The following FGL1 variants were observed in gnomAD, a reference collection of about 807,000 sequenced individuals.
The protein encoded by FGL1 is fibrinogen-like protein 1.
Under a neutral mutation model 43.7 loss-of-function variants are expected in FGL1, and 59 were observed. The ratio of observed to expected loss-of-function variants is 1.35; its 90% CI spans 1.10 to 1.68. The LOEUF is 1.68. FGL1 is among the 40% of genes most tolerant of loss of function. FGL1 has a pLI of 0.00. For synonymous variants in FGL1, 192 were observed against 126.5 expected, an observed-to-expected ratio of 1.52 and a Z score of -3.48; for missense variants, 596 against 373.0, an observed-to-expected ratio of 1.60 and a Z score of -4.92.
chr8:17,868,764 G>C, intron 6 of FGL1, 29 bp from the exon 7 acceptor site: 1 of 1,587,798 alleles, frequency 6.3e-7, no homozygotes, highest in East Asian at 2.2e-5. Flanking sequence ...TCTGCTGTCA[G>C]TGGAGTTCCT....
chr8:17,886,965 A>G (rs2053637481), intron 1 of FGL1, among the ~76,000 whole-genome samples: 1 of 152,146 alleles, frequency 6.6e-6, no homozygotes, highest in Admixed American at 6.6e-5. Flanking sequence ...TCAGATCCTC[A>G]TCTAAATCCT....
intron 2 of FGL1, among the ~76,000 whole-genome samples, chr8:17,885,216 A>T (rs1334051714): frequency 2.0e-5 from 3 of 151,216 alleles, no homozygotes; most frequent in Non-Finnish European, 4.4e-5. Context: ...AATTTTTTGT[A>T]TTTTTTTTAG....
At chr8:17,869,788 A>G (rs899050249) in intron 5 of FGL1, among the ~76,000 whole-genome samples, 2 of 152,178 alleles carry the variant, frequency 1.3e-5, no homozygotes, top group African/African-American at 4.8e-5. Context: ...ATTTCTGAAG[A>G]ACTGATATCT....
At chr8:17,875,519 CTTTCTTTCTTTCTT>C (rs2053434695) in intron 3 of FGL1, among the ~76,000 whole-genome samples, 1 of 10,002 alleles carries the variant, frequency 1.0e-4, no homozygotes, top group African/African-American at 3.3e-4. Context: ...TTCTTTCTTT[CTTTCTTTCTTTCTT>C]TCTCTTTCTT....
rs2053240607 is a variant in FGL1 at position 17,864,592 on chromosome 8, T to TTTATTC, written c.938_939insGAATAA (p.Ter313delinsTer). 1.2e-6 allele frequency: 2 copies of TTTATTC among 1,602,550 alleles called. No individual in the cohort carries two copies. Among genetic ancestry groups the TTTATTC allele is most frequent in the Non-Finnish European group, 1.7e-6 (2 of 1,177,170 alleles). ...AGAAACGAAAGCCCAACAGCAGCAA[T>TTTATTC]TAAATTACATTTGGAATAAAATCAT... On this transcript the variant is annotated inframe_insertion and stop_retained_variant, in exon 8 of 8. Coordinates refer to ENST00000427924, the MANE Select transcript of FGL1 (RefSeq NM_004467.4).
At chr8:17,878,675 G>C (rs905286658) in intron 3 of FGL1, among the ~76,000 whole-genome samples, 1 of 152,146 alleles carries the variant, frequency 6.6e-6, no homozygotes, top group Admixed American at 6.5e-5. Context: ...CTAGTGCATT[G>C]TTTGCACAAA....
At chr8:17,874,226 A>G (rs1185162971) in intron 4 of FGL1, 110 bp from the exon 5 acceptor site, 3 of 1,364,388 alleles carry the variant, frequency 2.2e-6, no homozygotes, top group African/African-American at 2.9e-5. Context: ...TGATTAGTTA[A>G]TTCATTTTCA....
intron 7 of FGL1, among the ~76,000 whole-genome samples, chr8:17,867,999 A>T (rs1377800143): frequency 6.6e-6 from 1 of 152,170 alleles, no homozygotes; most frequent in Non-Finnish European, 1.5e-5. Context: ...TCAAAAACGG[A>T]ATGAATTTGC....
chr8:17,883,677 AAT>A (rs529599229), intron 2 of FGL1, among the ~76,000 whole-genome samples: 12 of 145,752 alleles, frequency 8.2e-5, no homozygotes, highest in African/African-American at 2.5e-4. Context: ...TATAGTCTAT[AAT>A]ATATATATAT....
At chr8:17,864,911 T>A (rs1029713166) in intron 7 of FGL1, among the ~76,000 whole-genome samples, 160 bp from the exon 8 acceptor site, 2 of 152,202 alleles carry the variant, frequency 1.3e-5, no homozygotes, top group Non-Finnish European at 2.9e-5. Context: ...GCTGAGAAAT[T>A]TCTACAACAG....
chr8:17,871,507 A>AC (rs1241527420), intron 5 of FGL1, among the ~76,000 whole-genome samples: 1 of 151,970 alleles, frequency 6.6e-6, no homozygotes, highest in Non-Finnish European at 1.5e-5. Context: ...AAAAAACAAA[A>AC]AAAAAAAACT....
In FGL1 at chr8:17,885,541, A is replaced by C. The variant is rs745580725; in HGVS notation, c.14T>G (p.Phe5Cys). The change falls in exon 2 of 8, where the codon TTC (phenylalanine) becomes TGC (cysteine). Residue 5 changes from phenylalanine to cysteine, a missense_variant. Transcript: ENST00000427924. The part of the protein sequence containing the change: MAKV[F>C]SFILVTTALT... The stretch of plus-strand genomic sequence containing the variant: ...AGCGGTGGTAACAAGGATGAAACTG[A>C]ACACCTTTGCCATGTTCCCCCTTGA... 5 of 1,613,964 alleles carry C rather than the reference A, an allele frequency of 3.1e-6. No homozygotes were observed.
intron 5 of FGL1, among the ~76,000 whole-genome samples, chr8:17,870,189 A>G (rs1278799883): frequency 6.6e-6 from 1 of 152,216 alleles, no homozygotes; most frequent in East Asian, 1.9e-4. Flanking sequence ...AGAATGATAT[A>G]TGATGACAAA....
intron 1 of FGL1, among the ~76,000 whole-genome samples, chr8:17,892,464 G>C (rs2053718706): frequency 6.6e-6 from 1 of 152,010 alleles, no homozygotes; most frequent in African/African-American, 2.4e-5. Flanking sequence ...AACACTAGAG[G>C]CTCAGAGAGG....
rs759700090 is a variant in FGL1, at chr8:17,885,587, G to T, written c.-17-16C>A. ...CTTGAAAAAACTGCAAGAACAAAAA[G>T]AATTTTATAAATGTATCAACCTTGA... On this transcript the variant is annotated splice_polypyrimidine_tract_variant and intron_variant, in intron 1 of 7. Transcript: ENST00000427924. 69 of 1,608,646 alleles carry T rather than the reference G, an allele frequency of 4.3e-5. No homozygotes were observed. The highest frequency in any genetic ancestry group is 5.5e-5 in the Non-Finnish European group (65 of 1,176,880).
rs1344893361 is a variant in FGL1 at position 17,875,466 on chromosome 8, AC to A, written c.245-946del. 5.4e-5 allele frequency among the ~76,000 whole-genome samples: 8 copies of A among 149,376 alleles called. 1 individual carries two copies. ...AAGCAAATGTAGCTACCCCTTTGTC[AC>A]CAAAAAGTGATATCTCTTTCTTTCT... On this transcript the variant is annotated intron_variant, in intron 3 of 7. Transcript: ENST00000427924.
chr8:17,870,466 T>C (rs1267725882), intron 5 of FGL1, among the ~76,000 whole-genome samples: 2 of 152,190 alleles, frequency 1.3e-5, no homozygotes, highest in African/African-American at 4.8e-5. Context: ...TAAGGTCGGG[T>C]TAGAATTTAG....
chr8:17,893,071 C>T (rs1438800102), intron 1 of FGL1, among the ~76,000 whole-genome samples: 1 of 152,074 alleles, frequency 6.6e-6, no homozygotes, highest in Non-Finnish European at 1.5e-5. Flanking sequence ...TGTGGTGGCA[C>T]ACACCTTTTA....
At chr8:17,868,437 A>G in intron 7 of FGL1, 111 bp downstream of exon 7, 1 of 799,786 alleles carries the variant, frequency 1.3e-6, no homozygotes, top group Non-Finnish European at 1.8e-6. Flanking sequence ...ACTTAATAAT[A>G]CTAATATTAT....
Sources: gnomAD v4.1 joint callset for allele counts (sites outside exome capture counted in the v4.1 genomes callset) on GRCh38, gnomAD v4.1.1 for gene constraint, MANE v1.5 for transcripts, NCBI Gene and HGNC (gene_info 2026-07-23, HGNC 2026-07-21) for gene names.